KCNH7: variants seen among roughly 807,000 people sequenced by gnomAD.
KCNH7 encodes voltage-gated inwardly rectifying potassium channel KCNH7.
In KCNH7, 49 loss-of-function variants were observed where a neutral mutation model predicts 120.8. The ratio of observed to expected loss-of-function variants is 0.41; its 90% CI spans 0.32 to 0.51. The LOEUF is 0.51. Ranked by LOEUF, KCNH7 falls within the 20% of genes least tolerant of loss-of-function variation. The pLI is 0.38. For missense variants in KCNH7, 1,097 were observed against 1,446.6 expected (o/e 0.76, Z 3.92); for synonymous variants, 547 against 516.1 (o/e 1.06, Z -0.81).
At chr2:162,402,025 G>T (rs1232971901) in intron 9 of KCNH7, among the ~76,000 whole-genome samples, 1 of 151,618 alleles carries the variant, frequency 6.6e-6, no homozygotes, top group Non-Finnish European at 1.5e-5. Flanking sequence ...CCTTGCTCAG[G>T]TCCAAACAAA....
intron 2 of KCNH7, among the ~76,000 whole-genome samples, chr2:162,753,020 A>C (rs1052923601): frequency 6.8e-6 from 1 of 147,538 alleles, no homozygotes; most frequent in Non-Finnish European, 1.5e-5. Flanking sequence ...AAAGAAAAGA[A>C]AAGAAAAGAA....
chr2:162,655,051 G>A (rs1684697786), intron 2 of KCNH7, among the ~76,000 whole-genome samples: 2 of 152,078 alleles, frequency 1.3e-5, no homozygotes, highest in South Asian at 4.1e-4. Flanking sequence ...AAATTGAAGA[G>A]ATCTACTGTA....
At position 162,731,818 on chromosome 2, in the gene KCNH7, G is replaced by T. The variant is rs187519423; in HGVS notation, c.307+104719C>A. ...AAAAACTGAAATAATTGCAGCAAAA[G>T]TTAAATTTAGTAAAGCTGGATGGTA... is the stretch of plus-strand genomic sequence containing the variant. On this transcript the variant is annotated intron_variant, in intron 2 of 15. Transcript: ENST00000332142. 1.7e-4 allele frequency among the ~76,000 whole-genome samples: 26 copies of T among 152,206 alleles called. No individual in the cohort carries two copies. The East Asian group carries it at 4.8e-3, about 28-fold the overall frequency.
intron 4 of KCNH7, among the ~76,000 whole-genome samples, chr2:162,513,358 T>TTTCC (rs71009361): frequency 0.71 from 65,330 of 91,684 alleles, 26,889 homozygotes; most frequent in Non-Finnish European, 0.9. Flanking sequence ...TCCCTCCTTC[T>TTTCC]TTCCTTCCTT....
At chr2:162,538,831 A>G (rs150676169) in intron 2 of KCNH7, among the ~76,000 whole-genome samples, 2 of 152,198 alleles carry the variant, frequency 1.3e-5, no homozygotes, top group African/African-American at 4.8e-5. Context: ...TGATCGACAG[A>G]TATACTTTTA....
chr2:162,590,773 T>C (rs1375294005), intron 2 of KCNH7, among the ~76,000 whole-genome samples: 1 of 152,118 alleles, frequency 6.6e-6, no homozygotes, highest in Non-Finnish European at 1.5e-5. Flanking sequence ...CCTGGGTGAC[T>C]GTAATAGTCT....
intron 2 of KCNH7, among the ~76,000 whole-genome samples, chr2:162,811,184 G>C (rs1202280086): frequency 6.6e-6 from 1 of 151,984 alleles, no homozygotes; most frequent in African/African-American, 2.4e-5. Context: ...GAACCCGAAG[G>C]CGTGCATACT....
intron 2 of KCNH7, among the ~76,000 whole-genome samples, chr2:162,748,922 TTTCCTTTCC>T (rs1260121132): frequency 4.6e-5 from 2 of 43,864 alleles, no homozygotes; most frequent in Admixed American, 2.0e-4. Flanking sequence ...TTCCCTTCCC[TTTCCTTTCC>T]TTCCTTCCTT....
chr2:162,807,320 C>T (rs1684584876), intron 2 of KCNH7, among the ~76,000 whole-genome samples: 1 of 150,108 alleles, frequency 6.7e-6, no homozygotes, highest in Admixed American at 6.6e-5. Flanking sequence ...AACTGTAGTC[C>T]CAGCTACTGG....
chr2:162,780,492 A>T (rs1405265313), intron 2 of KCNH7, among the ~76,000 whole-genome samples: 1 of 152,170 alleles, frequency 6.6e-6, no homozygotes, highest in Non-Finnish European at 1.5e-5. Context: ...AATATCTAGA[A>T]ACAGAATCCT....
chr2:162,799,883 C>G (rs1360596742), intron 2 of KCNH7, among the ~76,000 whole-genome samples: 1 of 151,576 alleles, frequency 6.6e-6, no homozygotes, highest in African/African-American at 2.4e-5. Context: ...GTATTGCTGT[C>G]TTACCAGTGC....
At chr2:162,758,272 T>C (rs989587730) in intron 2 of KCNH7, among the ~76,000 whole-genome samples, 29 of 152,140 alleles carry the variant, frequency 1.9e-4, no homozygotes, top group African/African-American at 6.8e-4. Flanking sequence ...TGGGCAGATA[T>C]AAACATTGGG....
At position 162,569,304 on chromosome 2, in the gene KCNH7, A is replaced by G. The variant is rs561896867; in HGVS notation, c.308-32224T>C. On this transcript the variant is annotated intron_variant, in intron 2 of 15. Coordinates refer to ENST00000332142, the MANE Select transcript of KCNH7 (RefSeq NM_033272.4). ...TTTATCCATTTCTTCTAGATTTTCTAGTTTATTTGCATAGAGGTGTTTGTA... is the reference window on the plus strand; with the variant it reads ...TTTATCCATTTCTTCTAGATTTTCTGGTTTATTTGCATAGAGGTGTTTGTA... Among the ~76,000 whole-genome samples, 679 of 151,866 alleles carry G rather than the reference A, an allele frequency of 4.5e-3. 6 individuals are homozygous for G. Among genetic ancestry groups the G allele is most frequent in the African/African-American group, 0.016 (648 of 41,398 alleles).
chr2:162,647,114 A>G (rs574599856), intron 2 of KCNH7, among the ~76,000 whole-genome samples: 5 of 152,312 alleles, frequency 3.3e-5, no homozygotes, highest in Admixed American at 1.3e-4. Flanking sequence ...GGCTCCAAAA[A>G]GAAAAGATAG....
intron 2 of KCNH7, among the ~76,000 whole-genome samples, chr2:162,560,942 TC>T (rs1277827461): frequency 6.6e-6 from 1 of 152,224 alleles, no homozygotes; most frequent in East Asian, 1.9e-4. Context: ...AAGGCCATTT[TC>T]CCAGTATGTT....
intron 3 of KCNH7, among the ~76,000 whole-genome samples, chr2:162,533,230 A>C (rs1219844348): frequency 6.6e-6 from 1 of 151,830 alleles, no homozygotes. Context: ...AGTTTTTAAA[A>C]GGGCAAAGAA....
At chr2:162,768,405 C>T (rs1056240798) in intron 2 of KCNH7, among the ~76,000 whole-genome samples, 1 of 152,056 alleles carries the variant, frequency 6.6e-6, no homozygotes, top group Non-Finnish European at 1.5e-5. Context: ...CATCGATCAT[C>T]TAGCATCATC....
intron 6 of KCNH7, among the ~76,000 whole-genome samples, chr2:162,447,004 A>G (rs1688602720): frequency 6.6e-6 from 1 of 152,134 alleles, no homozygotes; most frequent in Non-Finnish European, 1.5e-5. Flanking sequence ...AAGGCAAATG[A>G]GATTAAAATG....
intron 2 of KCNH7, among the ~76,000 whole-genome samples, chr2:162,803,200 G>A (rs1437248254): frequency 6.6e-6 from 1 of 151,426 alleles, no homozygotes; most frequent in Admixed American, 6.6e-5. Flanking sequence ...CTTCAGAAGG[G>A]GAATATTTTA....
Sources: allele counts gnomAD v4.1 joint callset (sites outside exome capture counted in the v4.1 genomes callset), GRCh38; gene constraint gnomAD v4.1.1; transcripts MANE v1.5; gene names NCBI Gene and HGNC (gene_info 2026-07-23, HGNC 2026-07-21).